The following LRRC51 variants were observed in gnomAD, a reference collection of about 807,000 sequenced individuals.
The protein encoded by LRRC51 is leucine-rich repeat-containing protein 51.
In LRRC51, 8 loss-of-function variants were observed where a neutral mutation model predicts 17.8. That is an observed-to-expected ratio of 0.45 (90% confidence interval 0.26 to 0.81). LRRC51 has a LOEUF of 0.81. Ranked by LOEUF, LRRC51 falls within the 30% of genes least tolerant of loss-of-function variation. The pLI, the probability that LRRC51 is intolerant of heterozygous loss-of-function variation, is 0.17. For missense variants in LRRC51, 233 were observed against 239.3 expected (o/e 0.97, Z 0.17); for synonymous variants, 92 against 96.0 (o/e 0.96, Z 0.24).
At chr11:72,083,310 A>T (rs1205927097) in intron 1 of LRRC51, among the ~76,000 whole-genome samples, 2 of 152,196 alleles carry the variant, frequency 1.3e-5, no homozygotes, top group African/African-American at 4.8e-5. Flanking sequence ...CTTCCACCAT[A>T]GAACCTTTGC....
rs370465831 is a variant in LRRC51, at chr11:72,082,393, G to A, written c.-140+1508G>A. On this transcript the variant is annotated intron_variant, in intron 1 of 5. Coordinates refer to ENST00000289488, the MANE Select transcript of LRRC51 (RefSeq NM_145309.6). ...ACTGCACTCTATATTCTCTTCTTGG[G>A]TACCCCTCCACACCCACAACTTCAT... is the stretch of plus-strand genomic sequence containing the variant. Among the ~76,000 whole-genome samples, 12 of 152,076 alleles carry A rather than the reference G, an allele frequency of 7.9e-5. No individual in the cohort carries two copies. The East Asian group carries it at 1.4e-3, about 17-fold the overall frequency.
chr11:72,096,690 A>T lies in LRRC51; in HGVS notation c.*1170A>T. On this transcript the variant is annotated 3_prime_UTR_variant, in exon 6 of 6. Coordinates refer to ENST00000289488, the MANE Select transcript of LRRC51 (RefSeq NM_145309.6). ...TTTTCAGCTTAGAGATTTGGGGGTT[A>T]AAGTAGATCAGTAATTTCCAAACTC... 2 of 1,548,036 alleles carry T rather than the reference A, an allele frequency of 1.3e-6. No individual in the cohort carries two copies. The highest frequency in any genetic ancestry group is 1.7e-6 in the Non-Finnish European group (2 of 1,145,248).
At chr11:72,094,392 C>G in intron 4 of LRRC51, 2 of 412,852 alleles carry the variant, frequency 4.8e-6, no homozygotes, top group Non-Finnish European at 8.8e-6. Flanking sequence ...GTGACCTGTG[C>G]TGGGTTCTCC....
intron 3 of LRRC51, among the ~76,000 whole-genome samples, chr11:72,091,365 T>G (rs1438120753): frequency 6.6e-6 from 1 of 152,126 alleles, no homozygotes; most frequent in African/African-American, 2.4e-5. Flanking sequence ...GCCGTTCCAG[T>G]ACCCTCCTGC....
At chr11:72,088,937 G>T in intron 2 of LRRC51, 92 bp from the exon 3 acceptor site, 1 of 1,451,922 alleles carries the variant, frequency 6.9e-7, no homozygotes, top group Non-Finnish European at 9.4e-7. Flanking sequence ...GGCAGGCCTA[G>T]AGTAGTAGAG....
rs386374128 is a variant in LRRC51 at position 72,084,836 on chromosome 11, CAAA to C, written c.-139-3445_-139-3443del. Reference sequence around the variant, plus strand: ...TGCACAACAGAGCGAGACCTTGTCTCAAAAAAAAAAAAAAAAAAGAAAACCGTG... The same window carrying C: ...TGCACAACAGAGCGAGACCTTGTCTCAAAAAAAAAAAAAAAGAAAACCGTG... On this transcript the variant is annotated intron_variant, in intron 1 of 5. Coordinates refer to ENST00000289488, the MANE Select transcript of LRRC51 (RefSeq NM_145309.6). Among the ~76,000 whole-genome samples the C allele has an allele frequency of 3.2e-4, 33 of 101,682 alleles. No individual in the cohort carries two copies. The South Asian group carries it at 0.01, about 32-fold the overall frequency. 66.7% of individuals were successfully genotyped at this position (101,682 alleles called of 152,430 possible).
intron 4 of LRRC51, chr11:72,094,719 C>T (rs1261515706): frequency 2.4e-6 from 2 of 832,554 alleles, no homozygotes; most frequent in Admixed American, 4.0e-5. Flanking sequence ...TGCTGGTACC[C>T]AGGCCCACAC....
chr11:72,089,231 A>T, intron 3 of LRRC51, 66 bp downstream of exon 3: 1 of 1,610,348 alleles, frequency 6.2e-7, no homozygotes. Flanking sequence ...CCTAGGAAGA[A>T]ACCATAATCT....
At chr11:72,091,258 T>C (rs1352858749) in intron 3 of LRRC51, among the ~76,000 whole-genome samples, 1 of 152,194 alleles carries the variant, frequency 6.6e-6, no homozygotes, top group Non-Finnish European at 1.5e-5. Flanking sequence ...GTGGGGTTAT[T>C]TTGACCTTAA....
At chr11:72,091,660 C>T (rs944940784) in intron 3 of LRRC51, among the ~76,000 whole-genome samples, 4 of 152,216 alleles carry the variant, frequency 2.6e-5, no homozygotes, top group Non-Finnish European at 5.9e-5. Flanking sequence ...GTGTTCCATA[C>T]ACCGGGGTTC....
intron 1 of LRRC51, among the ~76,000 whole-genome samples, chr11:72,084,137 T>C (rs572066820): frequency 2.6e-5 from 4 of 152,292 alleles, no homozygotes; most frequent in African/African-American, 7.2e-5. Flanking sequence ...GCTGGGACTA[T>C]AGGCGTGAGC....
Position 72,094,830 on chromosome 11 carries a change from T to C in LRRC51, c.289-118T>C, listed in dbSNP as rs888728869. On this transcript the variant is annotated intron_variant, in intron 4 of 5. Coordinates refer to ENST00000289488, the MANE Select transcript of LRRC51 (RefSeq NM_145309.6). ...AGTCATACAGTATGGCTGTGGAGGGTTGGAGTGGAGGGCAGGTTGTTCCCC... is the reference window on the plus strand; with the variant it reads ...AGTCATACAGTATGGCTGTGGAGGGCTGGAGTGGAGGGCAGGTTGTTCCCC... 515 of 1,586,922 alleles carry C rather than the reference T, an allele frequency of 3.2e-4. 1 individual carries two copies. The highest frequency in any genetic ancestry group is 2.0e-3 in the Middle Eastern group (12 of 6,006).
At position 72,095,437 on chromosome 11, in the gene LRRC51, A is replaced by G. The variant is rs199793007; in HGVS notation, c.496A>G (p.Lys166Glu). The G allele has an allele frequency of 8.7e-6, 14 of 1,614,134 alleles. No individual in the cohort carries two copies. The highest frequency in any genetic ancestry group is 3.3e-4 in the Middle Eastern group (2 of 6,060). ...CACGTTCGACTTCAGTGGGGTCACC[A>G]AAGCAGACCGCACCACAGCTGAAGT... ...ITTFDFSGVT[K>E]ADRTTAEVWK... Residue 166 changes from lysine (K) to glutamate (E), a missense_variant, in exon 6 of 6, where the codon AAA (lysine) becomes GAA (glutamate). By Grantham distance (56) the Lys-to-Glu change is moderately conservative. Transcript: ENST00000289488.
At chr11:72,093,468 A>G (rs760230746) in intron 3 of LRRC51, 28 bp from the exon 4 acceptor site, 1 of 1,591,392 alleles carries the variant, frequency 6.3e-7, no homozygotes, top group Non-Finnish European at 8.6e-7. Flanking sequence ...AGCAAAGATG[A>G]TACCCAAGTC....
At chr11:72,095,189 ATGCT>A in intron 5 of LRRC51, 93 bp downstream of exon 5, 3 of 1,570,718 alleles carry the variant, frequency 1.9e-6, no homozygotes, top group Non-Finnish European at 1.7e-6. Flanking sequence ...TTCTTCTGCC[ATGCT>A]TGGACCTGGG....
intron 1 of LRRC51, among the ~76,000 whole-genome samples, chr11:72,087,260 T>A (rs1252968020): frequency 1.3e-5 from 2 of 151,810 alleles, no homozygotes; most frequent in Non-Finnish European, 2.9e-5. Flanking sequence ...TTATAAGATA[T>A]CAGGTCCTTG....
intron 3 of LRRC51, among the ~76,000 whole-genome samples, chr11:72,093,246 C>G (rs1287310970): frequency 6.6e-6 from 1 of 152,220 alleles, no homozygotes; most frequent in Non-Finnish European, 1.5e-5. Context: ...CCCAGTGGTA[C>G]AGTGGACATG....
rs150614844 is a variant in LRRC51, at chr11:72,096,366, G to C, written c.*846G>C. The C allele has an allele frequency of 0.016, 3,586 of 227,746 alleles. 128 individuals carry two copies. The highest frequency in any genetic ancestry group is 0.075 in the African/African-American group (3,200 of 42,944). The allele number at this position is 227,746 out of a possible 1,614,324, so 14.1% of individuals were successfully genotyped here. ...GATCCGTCTGCTTTGGCCTCCCAAA[G>C]TGCTGGGATTAGAAGCGTGAGCCAC... On this transcript the variant is annotated 3_prime_UTR_variant, in exon 6 of 6. Coordinates refer to ENST00000289488, the MANE Select transcript of LRRC51 (RefSeq NM_145309.6).
chr11:72,094,974 T>G lies in LRRC51; in HGVS notation c.315T>G (p.Ser105Arg). 6.2e-7 allele frequency: 1 copy of G among 1,613,900 alleles called. No individual in the cohort carries two copies. Among genetic ancestry groups the G allele is most frequent in the South Asian group, 1.1e-5 (1 of 91,040 alleles). Reference protein sequence around the residue: ...DPVLTTFFNLSVLYLHGNSIQ... With the variant: ...DPVLTTFFNLRVLYLHGNSIQ... ...TCCTAACAACTTTCTTCAACCTGAG[T>G]GTCCTCTATCTTCACGGCAACAGCA... Residue 105 changes from serine (S) to arginine (R), a missense_variant, in exon 5 of 6, where the codon AGT (serine) becomes AGG (arginine). Physicochemically the swap from Ser to Arg is moderately radical, Grantham distance 110 (BLOSUM62 -1). Coordinates refer to ENST00000289488, the MANE Select transcript of LRRC51 (RefSeq NM_145309.6).
Sources: allele counts gnomAD v4.1 joint callset (sites outside exome capture counted in the v4.1 genomes callset), GRCh38; gene constraint gnomAD v4.1.1; transcripts MANE v1.5; gene names NCBI Gene and HGNC (gene_info 2026-07-23, HGNC 2026-07-21).